Variants in SRPRB observed in about 807,000 individuals in gnomAD.
SRPRB encodes the protein signal recognition particle receptor subunit beta.
A neutral mutation model predicts 31.9 loss-of-function variants in SRPRB; 20 were observed. The ratio of observed to expected loss-of-function variants is 0.63; its 90% CI spans 0.44 to 0.91. SRPRB has a LOEUF of 0.91. SRPRB is among the 40% of genes least tolerant of loss of function. The pLI is 0.00. For synonymous variants in SRPRB, 146 were observed against 132.8 expected (o/e 1.10, Z -0.68); for missense variants, 321 against 324.9 (o/e 0.99, Z 0.09).
intron 1 of SRPRB, chr3:133,790,293 T>C (rs1422219235): frequency 6.6e-6 from 1 of 152,212 alleles, no homozygotes; most frequent in African/African-American, 2.4e-5. Flanking sequence ...ATCTGATAGT[T>C]CAGGATTTCT....
chr3:133,824,546 G>A (rs571653470), downstream of SRPRB: 6 of 152,336 alleles, frequency 3.9e-5, no homozygotes, highest in East Asian at 1.2e-3. Context: ...ACTGCTGGGA[G>A]TGCCAACCAG....
At chr3:133,827,822 G>A (rs1191337152), downstream of SRPRB, 2 of 571,992 alleles carry the variant, frequency 3.5e-6, no homozygotes, top group South Asian at 1.6e-5. Flanking sequence ...CCAGGAGGAA[G>A]GCTTCAGGAT....
intron 6 of SRPRB, among the ~76,000 whole-genome samples, chr3:133,817,289 CAA>C (rs1935384558): frequency 6.6e-6 from 1 of 151,744 alleles, no homozygotes; most frequent in Non-Finnish European, 1.5e-5. Flanking sequence ...GTTCACCACT[CAA>C]TAATGCCTGT....
downstream of SRPRB, among the ~76,000 whole-genome samples, chr3:133,823,453 A>G (rs1935507800): frequency 6.6e-6 from 1 of 152,160 alleles, no homozygotes; most frequent in Non-Finnish European, 1.5e-5. Context: ...AGGTTTCACC[A>G]TGTTGGCCAG....
downstream of SRPRB, chr3:133,826,798 T>A (rs1018984839): frequency 6.5e-6 from 1 of 152,704 alleles, no homozygotes; most frequent in Non-Finnish European, 1.5e-5. Flanking sequence ...TTTCAACACG[T>A]TGCAGTACTT....
In SRPRB at chr3:133,815,696, C is replaced by G; in HGVS notation, c.517C>G (p.Pro173Ala). ...TGACAGTATGGGTCTGAAGAATACA[C>G]CATCATTCTTAATAGCCTGCAATAA... is the stretch of plus-strand genomic sequence containing the variant. ...LIDSMGLKNT[P>A]SFLIACNKQD... The change falls in exon 5 of 7, where the codon CCA (proline) becomes GCA (alanine). Residue 173 changes from proline to alanine, a missense_variant. Physicochemically the swap from Pro to Ala is conservative, Grantham distance 27 (BLOSUM62 -1). Coordinates refer to ENST00000678299, the MANE Select transcript of SRPRB (RefSeq NM_001379313.1). The G allele has an allele frequency of 6.2e-7, 1 of 1,613,986 alleles. No individual in the cohort carries two copies. The highest frequency in any genetic ancestry group is 1.3e-5 in the African/African-American group (1 of 74,990).
upstream of SRPRB, among the ~76,000 whole-genome samples, chr3:133,801,088 C>G (rs1935054393): frequency 1.3e-5 from 2 of 151,986 alleles, no homozygotes; most frequent in Non-Finnish European, 2.9e-5. Flanking sequence ...TTTTTTTAAA[C>G]AAAGCCATAG....
intron 1 of SRPRB, chr3:133,794,319 A>T (rs1451925309): frequency 6.6e-6 from 1 of 152,242 alleles, no homozygotes; most frequent in African/African-American, 2.4e-5. Flanking sequence ...TTGGTCCCAT[A>T]TTCCTGGGAA....
chr3:133,805,659 C>T (rs1016039191), upstream of SRPRB: 2 of 577,204 alleles, frequency 3.5e-6, no homozygotes, highest in East Asian at 3.4e-5. Flanking sequence ...AACCTGTCTG[C>T]CCCTATCGTT....
At chr3:133,819,298 GT>G (rs971729449) in intron 6 of SRPRB, among the ~76,000 whole-genome samples, 5 of 152,132 alleles carry the variant, frequency 3.3e-5, no homozygotes, top group Admixed American at 1.3e-4. Flanking sequence ...CTGAAAGAAA[GT>G]TGGTGTGACC....
At chr3:133,804,821 C>G, upstream of SRPRB, among the ~76,000 whole-genome samples, 1 of 152,272 alleles carries the variant, frequency 6.6e-6, no homozygotes, top group South Asian at 2.1e-4. Context: ...TTCAGTGACA[C>G]TGACATCTTC....
upstream of SRPRB, among the ~76,000 whole-genome samples, chr3:133,803,490 A>G (rs13079426): frequency 0.29 from 44,813 of 152,052 alleles, 7,285 homozygotes; most frequent in East Asian, 0.46. Context: ...ACTAACAGCC[A>G]ACATTGTTTA....
intron 6 of SRPRB, among the ~76,000 whole-genome samples, chr3:133,817,235 A>G (rs1327812428): frequency 6.6e-6 from 1 of 152,244 alleles, no homozygotes; most frequent in Admixed American, 6.5e-5. Flanking sequence ...AAAAGTTTAC[A>G]TGCCAACTTG....
intron 3 of SRPRB, chr3:133,810,615 A>G (rs1935243068): frequency 7.6e-6 from 1 of 131,700 alleles, no homozygotes; most frequent in African/African-American, 3.9e-5. Flanking sequence ...TGGAAATGAT[A>G]AAAGTGTACT....
At chr3:133,803,989 G>A (rs1269670459), upstream of SRPRB, among the ~76,000 whole-genome samples, 2 of 149,728 alleles carry the variant, frequency 1.3e-5, no homozygotes, top group African/African-American at 4.9e-5. Flanking sequence ...CCAGCTACTC[G>A]GGAGGCTGAG....
At position 133,820,703 on chromosome 3, in the gene SRPRB, T is replaced by C. The variant is rs375426356; in HGVS notation, c.*937T>C. ...TGAAGTGATGTTTTTTGCTGTCTTC[T>C]TAAACACAAGGCTTTTTTGAATGAT... On this transcript the variant is annotated 3_prime_UTR_variant, in exon 7 of 7. Transcript: ENST00000678299. 117 of 151,146 alleles carry C rather than the reference T, an allele frequency of 7.7e-4. No homozygotes were observed. The highest frequency in any genetic ancestry group is 2.7e-3 in the African/African-American group (112 of 41,472). 9.4% of individuals were successfully genotyped at this position (151,146 alleles called of 1,614,324 possible). A position where few individuals can be genotyped will look rare whatever the true frequency, so the allele number is the denominator to read the frequency against.
upstream of SRPRB, among the ~76,000 whole-genome samples, chr3:133,803,150 A>G (rs1935087072): frequency 6.6e-6 from 1 of 151,962 alleles, no homozygotes; most frequent in Non-Finnish European, 1.5e-5. Flanking sequence ...TTTTGCCTAA[A>G]TGCTCTCAGC....
rs1457861888 is a variant in SRPRB at position 133,819,630 on chromosome 3, A to C, written c.680A>C (p.Lys227Thr). The change falls in exon 7 of 7, where the codon AAG becomes ACG. Residue 227 changes from lysine (K) to threonine (T), a missense_variant. Transcript: ENST00000678299. ...SSSTAPAQLG[K>T]KGKEFEFSQL... ...AGCACTGCCCCTGCTCAGCTGGGGA[A>C]GAAAGGCAAAGAGTTTGAATTCTCA... 2 of 1,614,066 alleles carry C rather than the reference A, an allele frequency of 1.2e-6. No individual in the cohort carries two copies. Among genetic ancestry groups the C allele is most frequent in the Non-Finnish European group, 1.7e-6 (2 of 1,180,030 alleles).
At chr3:133,804,378 T>C (rs916505779), upstream of SRPRB, among the ~76,000 whole-genome samples, 2 of 152,174 alleles carry the variant, frequency 1.3e-5, no homozygotes, top group African/African-American at 4.8e-5. Context: ...TATTCTGGAA[T>C]AGGCATTGCA....
Sources: gnomAD v4.1 joint callset for allele counts (sites outside exome capture counted in the v4.1 genomes callset) on GRCh38, gnomAD v4.1.1 for gene constraint, MANE v1.5 for transcripts, NCBI Gene and HGNC (gene_info 2026-07-23, HGNC 2026-07-21) for gene names.